The following ATP6V1B1 variants were observed in gnomAD, a reference collection of about 807,000 sequenced individuals.
The protein encoded by ATP6V1B1 is V-type proton ATPase subunit B, kidney isoform.
ATP6V1B1 carries 41 observed loss-of-function variants against 62.1 expected under a neutral mutation model. The ratio of observed to expected loss-of-function variants is 0.66; its 90% CI spans 0.51 to 0.86. The LOEUF is 0.86. Among genes scored for constraint, ATP6V1B1 ranks in the 40% least tolerant of loss-of-function variants. The probability of loss-of-function intolerance (pLI) is 0.00; values close to 1 mark genes in which losing one functional copy is unlikely to be tolerated. For missense variants in ATP6V1B1, 651 were observed against 697.5 expected (o/e 0.93, Z 0.75); for synonymous variants, 253 against 273.4 (o/e 0.93, Z 0.74).
chr2:70,963,340 C>T lies in ATP6V1B1; in HGVS notation c.1060+28C>T. On this transcript the variant is annotated intron_variant, in intron 10 of 13. Transcript: ENST00000234396. The surrounding 1 kb of genome is among the most constrained non-coding windows in gnomAD (Gnocchi z 4.3). ...AGCCTCCTCACAGCCCACTACCCTCCAGAGCTCCCCTGTCCTCCCTTTTCC... is the reference window on the plus strand; with the variant it reads ...AGCCTCCTCACAGCCCACTACCCTCTAGAGCTCCCCTGTCCTCCCTTTTCC... The T allele has an allele frequency of 1.9e-6, 3 of 1,612,438 alleles. No homozygotes were observed. Among genetic ancestry groups the T allele is most frequent in the African/African-American group, 2.7e-5 (2 of 75,044 alleles).
rs1363121734 is a variant in ATP6V1B1 at position 70,959,938 on chromosome 2, G to A, written c.446-1G>A. 2 of 1,614,054 alleles carry A rather than the reference G, an allele frequency of 1.2e-6. No homozygotes were observed. The highest frequency in any genetic ancestry group is 2.7e-5 in the African/African-American group (2 of 74,930). On this transcript the variant is annotated splice_acceptor_variant, in intron 5 of 13. Transcript: ENST00000234396. LOFTEE classifies it high-confidence loss of function. This position sits in a 1 kb window ranked among gnomAD's most constrained non-coding sequence, Gnocchi z 4.2. ...ATGGCTCTGTGATCGCCCTCTCCCA[G>A]GCCAGCCCATCAACCCGCACTCCCG... is the stretch of plus-strand genomic sequence containing the variant.
At position 70,965,080 on chromosome 2, in the gene ATP6V1B1, G is replaced by A. The variant is rs1553420843; in HGVS notation, c.1501G>A (p.Glu501Lys). The change falls in exon 14 of 14, where the codon GAG (glutamate) becomes AAG (lysine). Residue 501 changes from glutamate (E) to lysine (K), a missense_variant. Transcript: ENST00000234396. The part of the protein sequence containing the change: ...QAVIDEFYSR[E>K]GALQDLAPDT... ...CGTGATCGACGAGTTCTATTCCCGC[G>A]AGGGGGCGCTGCAGGACCTCGCGCC... 6.2e-7 allele frequency: 1 copy of A among 1,612,928 alleles called. No individual in the cohort carries two copies. The highest frequency in any genetic ancestry group is 1.1e-5 in the South Asian group (1 of 91,088).
intron 1 of ATP6V1B1, among the ~76,000 whole-genome samples, chr2:70,943,070 C>T (rs1489556264): frequency 2.0e-5 from 3 of 152,180 alleles, no homozygotes; most frequent in Non-Finnish European, 4.4e-5. Flanking sequence ...TGCCTTTTCA[C>T]TCCCTCCCCT....
In ATP6V1B1 at chr2:70,963,051, C is replaced by T; in HGVS notation, c.910-111C>T. The T allele has an allele frequency of 6.3e-7, 1 of 1,599,166 alleles. No homozygotes were observed. Among genetic ancestry groups the T allele is most frequent in the Admixed American group, 1.7e-5 (1 of 59,836 alleles). On this transcript the variant is annotated intron_variant, in intron 9 of 13. Transcript: ENST00000234396. This position sits in a 1 kb window ranked among gnomAD's most constrained non-coding sequence, Gnocchi z 4.3. ...AGGGCTTGGTCTCAGCCTGGCCATT[C>T]CTCCCCTGCCCCCCACTCCATTTCT... is the stretch of plus-strand genomic sequence containing the variant.
chr2:70,964,772 A>G lies in ATP6V1B1; in HGVS notation c.1285A>G (p.Met429Val), dbSNP rs1553420759. The change falls in exon 13 of 14, where the codon ATG becomes GTG. Residue 429 changes from methionine to valine, a missense_variant. Transcript: ENST00000234396. The part of the protein sequence containing the change: ...CYAIGKDVQA[M>V]KAVVGEEALT... ...TGCCATCGGGAAGGACGTGCAGGCCATGAAGGCAGTAGTTGGGGAGGAGGC... is the reference window on the plus strand; with the variant it reads ...TGCCATCGGGAAGGACGTGCAGGCCGTGAAGGCAGTAGTTGGGGAGGAGGC... The G allele has an allele frequency of 2.5e-6, 4 of 1,614,032 alleles. No homozygotes were observed. Among genetic ancestry groups the G allele is most frequent in the Admixed American group, 1.7e-5 (1 of 60,034 alleles).
At chr2:70,964,114 ATTTT>A (rs66905923) in intron 11 of ATP6V1B1, 377 of 127,028 alleles carry the variant, frequency 3.0e-3, no homozygotes, top group Non-Finnish European at 3.6e-3. Context: ...CTTGGCAGGT[ATTTT>A]TTTTTTTTTT....
intron 2 of ATP6V1B1, among the ~76,000 whole-genome samples, chr2:70,945,701 GATATAT>G (rs35710919): frequency 0.029 from 2,406 of 82,966 alleles, 71 homozygotes; most frequent in African/African-American, 0.067. Flanking sequence ...TATTTGAAGA[GATATAT>G]ATATATATAT....
intron 1 of ATP6V1B1, 152 bp downstream of exon 1, chr2:70,936,224 G>C (rs34195894): frequency 0.029 from 23,176 of 803,890 alleles, 426 homozygotes; most frequent in Admixed American, 0.034. Flanking sequence ...GAGTGACGCA[G>C]TGGGGCCACC....
chr2:70,943,836 C>G, intron 2 of ATP6V1B1, 123 bp downstream of exon 2: 2 of 1,386,690 alleles, frequency 1.4e-6, no homozygotes, highest in Non-Finnish European at 2.0e-6. Flanking sequence ...GCTCTGTTCT[C>G]TCCATCCAGG....
chr2:70,965,215 C>G lies in ATP6V1B1; in HGVS notation c.*94C>G. The G allele has an allele frequency of 6.6e-7, 1 of 1,519,362 alleles. No individual in the cohort carries two copies. Among genetic ancestry groups the G allele is most frequent in the East Asian group, 2.3e-5 (1 of 42,680 alleles). 94.1% of individuals were successfully genotyped at this position (1,519,362 alleles called of 1,614,324 possible). ...GCCACCCCAACCAGCGGCTTCTGCGCCGCCCTCCGCCCTCCGCTGGCTCCG... is the reference window on the plus strand; with the variant it reads ...GCCACCCCAACCAGCGGCTTCTGCGGCGCCCTCCGCCCTCCGCTGGCTCCG... On this transcript the variant is annotated 3_prime_UTR_variant, in exon 14 of 14. Coordinates refer to ENST00000234396, the MANE Select transcript of ATP6V1B1 (RefSeq NM_001692.4).
chr2:70,950,123 C>T (rs1680285003), intron 2 of ATP6V1B1, among the ~76,000 whole-genome samples: 3 of 152,050 alleles, frequency 2.0e-5, no homozygotes, highest in African/African-American at 7.2e-5. Context: ...TAATATACAA[C>T]ATTTGTTCTA....
At position 70,965,168 on chromosome 2, in the gene ATP6V1B1, G is replaced by A; in HGVS notation, c.*47G>A. ...AACACCGGCAGGGAACCTACCCTCG[G>A]CTCCCGGGTCTCCCCTCCCTCGCCA... On this transcript the variant is annotated 3_prime_UTR_variant, in exon 14 of 14. Coordinates refer to ENST00000234396, the MANE Select transcript of ATP6V1B1 (RefSeq NM_001692.4). 2 of 1,595,340 alleles carry A rather than the reference G, an allele frequency of 1.3e-6. No homozygotes were observed. Among genetic ancestry groups the A allele is most frequent in the Non-Finnish European group, 1.7e-6 (2 of 1,177,380 alleles).
At chr2:70,943,544 C>G (rs1680063345) in intron 1 of ATP6V1B1, 114 bp from the exon 2 acceptor site, 1 of 1,139,646 alleles carries the variant, frequency 8.8e-7, no homozygotes, top group African/African-American at 1.5e-5. Flanking sequence ...CCTGACGGCC[C>G]AGGCTGGGAA....
At chr2:70,957,454 G>T (rs901312135) in intron 2 of ATP6V1B1, among the ~76,000 whole-genome samples, 9 of 152,142 alleles carry the variant, frequency 5.9e-5, no homozygotes, top group African/African-American at 2.2e-4. Context: ...CTTGATCCCT[G>T]GAAGGACTGC....
chr2:70,962,638 G>C, intron 8 of ATP6V1B1, 139 bp from the exon 9 acceptor site: 1 of 1,389,526 alleles, frequency 7.2e-7, no homozygotes, highest in South Asian at 1.2e-5. Context: ...TAGGGGATGG[G>C]GGCAAGGGCT....
chr2:70,936,708 T>C (rs1679862187), intron 1 of ATP6V1B1, among the ~76,000 whole-genome samples: 1 of 152,086 alleles, frequency 6.6e-6, no homozygotes, highest in Non-Finnish European at 1.5e-5. Context: ...GTGTGTGCAC[T>C]TAGGTGTGAT....
intron 11 of ATP6V1B1, 191 bp from the exon 12 acceptor site, chr2:70,964,247 C>G: frequency 3.3e-6 from 2 of 611,672 alleles, no homozygotes; most frequent in Middle Eastern, 2.7e-4. Flanking sequence ...CTCCACTGTT[C>G]TGTCTAGGGC....
At chr2:70,951,479 C>T in intron 2 of ATP6V1B1, among the ~76,000 whole-genome samples, 1 of 151,846 alleles carries the variant, frequency 6.6e-6, no homozygotes, top group South Asian at 2.1e-4. Flanking sequence ...AGTCTAGGGT[C>T]AGGTATTGCA....
intron 11 of ATP6V1B1, 37 bp from the exon 12 acceptor site, chr2:70,964,401 T>C: frequency 6.2e-7 from 1 of 1,604,624 alleles, no homozygotes; most frequent in Non-Finnish European, 8.5e-7. Flanking sequence ...AAAGCTTGAG[T>C]CCTGCTGTCC....
Sources: allele counts gnomAD v4.1 joint callset (sites outside exome capture counted in the v4.1 genomes callset), GRCh38; gene constraint gnomAD v4.1.1; non-coding constraint Gnocchi (gnomAD v3.1); transcripts MANE v1.5; gene names NCBI Gene and HGNC (gene_info 2026-07-23, HGNC 2026-07-21).